The following HIRA variants were observed in gnomAD, a reference collection of about 807,000 sequenced individuals.
HIRA encodes the protein histone cell cycle regulator, also known as protein HIRA.
In HIRA, 13 loss-of-function variants were observed where a neutral mutation model predicts 126.6. The ratio of observed to expected loss-of-function variants is 0.10; its 90% CI spans 0.07 to 0.16. HIRA has a LOEUF of 0.16. Among genes scored for constraint, HIRA ranks in the 10% least tolerant of loss-of-function variants. HIRA has a pLI of 1.00. For missense variants in HIRA, 834 were observed against 1,314.4 expected (o/e 0.63, Z 5.65); for synonymous variants, 511 against 520.0 (o/e 0.98, Z 0.24).
chr22:19,380,999 A>G (rs912632124), intron 13 of HIRA, among the ~76,000 whole-genome samples: 3 of 152,198 alleles, frequency 2.0e-5, no homozygotes, highest in African/African-American at 7.2e-5. Context: ...GGTTAAATTT[A>G]TAGGCTACAA....
chr22:19,382,767 CTTTCTTTTT>C (rs976424556), intron 13 of HIRA, among the ~76,000 whole-genome samples: 41 of 134,292 alleles, frequency 3.1e-4, no homozygotes, highest in African/African-American at 1.2e-3. Context: ...TATCATTTTT[CTTTCTTTTT>C]TTTTTTTTTT....
chr22:19,348,938 A>C (rs1601807373), intron 24 of HIRA, among the ~76,000 whole-genome samples: 1 of 150,290 alleles, frequency 6.7e-6, no homozygotes, highest in South Asian at 2.1e-4. Context: ...GGCACATGTC[A>C]CCAAGCCCAG....
chr22:19,411,998 T>A (rs955916374), intron 1 of HIRA, among the ~76,000 whole-genome samples: 2 of 152,230 alleles, frequency 1.3e-5, no homozygotes, highest in African/African-American at 4.8e-5. Flanking sequence ...GAACTTGAGA[T>A]AAAATACACT....
intron 4 of HIRA, 89 bp downstream of exon 4, chr22:19,407,095 C>T: frequency 2.8e-6 from 3 of 1,063,388 alleles, no homozygotes; most frequent in South Asian, 1.3e-5. Context: ...ATGGGAACTT[C>T]AGTGACAGGG....
intron 1 of HIRA, among the ~76,000 whole-genome samples, chr22:19,427,377 C>T (rs981417559): frequency 6.6e-6 from 1 of 152,222 alleles, no homozygotes; most frequent in African/African-American, 2.4e-5. Context: ...CAGTGCCCTC[C>T]GGCAGCAGGC....
Position 19,331,555 on chromosome 22 carries a change from C to T in HIRA, c.2939G>A (p.Gly980Asp). ...CTTCAGCAGCTCCCTCTTCCGCAGA[C>T]CCTGTGGACACAGAGTGACAGCTGA... ...TGSQWESTVV[G>D]LRKRELLKEL... Residue 980 changes from glycine (G) to aspartate (D), a missense_variant and splice_region_variant, in exon 25 of 25, where the codon GGT becomes GAT. By Grantham distance (94) the Gly-to-Asp change is moderately conservative. This residue lies in a region of HIRA where 58 missense variants were observed against 114.5 expected (regional missense o/e 0.51). Transcript: ENST00000263208. The T allele has an allele frequency of 6.3e-7, 1 of 1,592,486 alleles. No homozygotes were observed. Among genetic ancestry groups the T allele is most frequent in the Non-Finnish European group, 8.6e-7 (1 of 1,166,514 alleles).
intron 15 of HIRA, among the ~76,000 whole-genome samples, chr22:19,374,817 A>G (rs1203840167): frequency 6.6e-6 from 1 of 152,190 alleles, no homozygotes; most frequent in Non-Finnish European, 1.5e-5. Context: ...GTGTCTGCCC[A>G]GGGCTGCTGA....
chr22:19,429,133 C>CTTTTTTTT (rs57853722), intron 1 of HIRA, among the ~76,000 whole-genome samples: 28 of 77,280 alleles, frequency 3.6e-4, no homozygotes, highest in Non-Finnish European at 4.3e-4. Flanking sequence ...GTTGCCATAT[C>CTTTTTTTT]TTTTTTTTTT....
chr22:19,376,438 C>T (rs920278441), intron 14 of HIRA, among the ~76,000 whole-genome samples: 8 of 152,190 alleles, frequency 5.3e-5, no homozygotes, highest in African/African-American at 9.7e-5. Flanking sequence ...GGACCTCCTC[C>T]TAAGCACACC....
At chr22:19,346,245 G>T (rs372283584) in intron 24 of HIRA, among the ~76,000 whole-genome samples, 1 of 152,214 alleles carries the variant, frequency 6.6e-6, no homozygotes, top group Non-Finnish European at 1.5e-5. Context: ...GGCCAGGCAC[G>T]GTGGCTCACG....
intron 1 of HIRA, among the ~76,000 whole-genome samples, chr22:19,431,041 A>G (rs1009741042): frequency 6.6e-6 from 1 of 152,142 alleles, no homozygotes; most frequent in Non-Finnish European, 1.5e-5. Flanking sequence ...TCATCCTGCC[A>G]CTGAAAGGCC....
At chr22:19,363,535 A>G (rs1601819340) in intron 15 of HIRA, among the ~76,000 whole-genome samples, 1 of 152,316 alleles carries the variant, frequency 6.6e-6, no homozygotes. Context: ...GAGACAATAA[A>G]AAGATCAGTG....
intron 9 of HIRA, 52 bp from the exon 10 acceptor site, chr22:19,388,606 G>T: frequency 6.9e-7 from 1 of 1,458,286 alleles, no homozygotes; most frequent in Non-Finnish European, 9.6e-7. Flanking sequence ...ATCCCCTTCT[G>T]TATTCAGCTC....
At position 19,356,894 on chromosome 22, in the gene HIRA, C is replaced by T. The variant is rs1569293974; in HGVS notation, c.2392G>A (p.Val798Ile). The change falls in exon 19 of 25, where the codon GTC (valine) becomes ATC (isoleucine). Residue 798 changes from valine (V) to isoleucine (I), a missense_variant. This residue lies in a region of HIRA where 468 missense variants were observed against 574.2 expected (regional missense o/e 0.82). Transcript: ENST00000263208. ...MALTAAATLS[V>I]WDVHRQVVVV... Reference sequence around the variant, plus strand: ...CACCCTGTGCCTGCCTCTCACCAGACAGAGAGTGTGGCTGCAGCGGTGAGC... The same window carrying T: ...CACCCTGTGCCTGCCTCTCACCAGATAGAGAGTGTGGCTGCAGCGGTGAGC... 1.9e-6 allele frequency: 3 copies of T among 1,613,758 alleles called. No homozygotes were observed. The highest frequency in any genetic ancestry group is 2.5e-6 in the Non-Finnish European group (3 of 1,179,930).
rs749483837 is a variant in HIRA at position 19,410,760 on chromosome 22, A to G, written c.56T>C (p.Val19Ala). The G allele has an allele frequency of 6.2e-7, 1 of 1,613,994 alleles. No individual in the cohort carries two copies. The highest frequency in any genetic ancestry group is 1.1e-5 in the South Asian group (1 of 91,042). The change falls in exon 2 of 25, where the codon GTT becomes GCT. Residue 19 changes from valine (V) to alanine (A), a missense_variant. Transcript: ENST00000263208. Reference sequence around the variant, plus strand: ...CTTGGTCCCGTCAGGGTGAATATCAACTGAAAAAATCGGCTTGCCTGGAAA... The same window carrying G: ...CTTGGTCCCGTCAGGGTGAATATCAGCTGAAAAAATCGGCTTGCCTGGAAA... ...VNHNGKPIFSVDIHPDGTKFA... is the reference protein window; with the variant it reads ...VNHNGKPIFSADIHPDGTKFA...
chr22:19,379,453 C>T (rs1216329935), intron 13 of HIRA, among the ~76,000 whole-genome samples: 9 of 150,536 alleles, frequency 6.0e-5, no homozygotes, highest in South Asian at 4.2e-4. Flanking sequence ...GGTGAAACCC[C>T]GTCTCCACTA....
At chr22:19,393,948 G>A (rs574042372) in intron 8 of HIRA, among the ~76,000 whole-genome samples, 4 of 152,298 alleles carry the variant, frequency 2.6e-5, no homozygotes, top group East Asian at 1.9e-4. Flanking sequence ...TTCACCTGCC[G>A]CAGCAAGATC....
chr22:19,420,496 AAAAC>A lies in HIRA; in HGVS notation c.38-9722_38-9719del, dbSNP rs1391177030. Among the ~76,000 whole-genome samples the A allele has an allele frequency of 2.2e-3, 327 of 151,784 alleles. 2 individuals are homozygous for A. Among genetic ancestry groups the A allele is most frequent in the South Asian group, 0.016 (78 of 4,810 alleles). Reference sequence around the variant, plus strand: ...AAAAAAAAAAACCAAACCAAAACAAAAAACAAACAAACAAACAAAACCCCAAAAA... The same window carrying A: ...AAAAAAAAAAACCAAACCAAAACAAAAAACAAACAAACAAAACCCCAAAAA... On this transcript the variant is annotated intron_variant, in intron 1 of 24. Coordinates refer to ENST00000263208, the MANE Select transcript of HIRA (RefSeq NM_003325.4).
chr22:19,339,256 T>A (rs1326867323), intron 24 of HIRA, among the ~76,000 whole-genome samples: 1 of 152,224 alleles, frequency 6.6e-6, no homozygotes, highest in East Asian at 1.9e-4. Context: ...ATGAACTGAA[T>A]AATGACACAG....
Sources: gnomAD v4.1 joint callset for allele counts (sites outside exome capture counted in the v4.1 genomes callset) on GRCh38, gnomAD v4.1.1 for gene constraint, gnomAD v4.1.1 regional missense constraint, MANE v1.5 for transcripts, NCBI Gene and HGNC (gene_info 2026-07-23, HGNC 2026-07-21) for gene names.